Variants in GPR176 observed in about 807,000 individuals in gnomAD.
GPR176 encodes G protein-coupled receptor 176, also known as G-protein coupled receptor 176.
GPR176 carries 26 observed loss-of-function variants against 35.4 expected under a neutral mutation model. The ratio of observed to expected loss-of-function variants is 0.74; its 90% confidence interval spans 0.54 to 1.02. The LOEUF is 1.02. Ranked by LOEUF, GPR176 falls within the 50% of genes least tolerant of loss-of-function variation. GPR176 has a pLI of 0.00. For synonymous variants in GPR176, 278 were observed against 271.3 expected, an observed-to-expected ratio of 1.02 and a Z score of -0.24; for missense variants, 597 against 665.3, an observed-to-expected ratio of 0.90 and a Z score of 1.13.
At position 39,807,071 on chromosome 15, in the gene GPR176, G is replaced by GACGA. The variant is rs1899239696; in HGVS notation, c.356_359dup (p.Lys121ArgfsTer37). The stretch of plus-strand genomic sequence containing the variant: ...AGCAGAATACTTTGTGCAAAAATTT[G>GACGA]ACGACCTTGCAGAAGAGCATGGTGT... On this transcript the variant is annotated frameshift_variant, in exon 2 of 3. Transcript: ENST00000561100. LOFTEE classifies it high-confidence loss of function. The GACGA allele has an allele frequency of 1.2e-6, 2 of 1,613,762 alleles. No individual in the cohort carries two copies. Among genetic ancestry groups the GACGA allele is most frequent in the Non-Finnish European group, 1.7e-6 (2 of 1,179,726 alleles).
intron 1 of GPR176, among the ~76,000 whole-genome samples, chr15:39,829,561 T>C (rs1900921212): frequency 1.3e-5 from 2 of 152,226 alleles, no homozygotes; most frequent in Admixed American, 6.5e-5. Context: ...CATATCTATA[T>C]GATCTAATTT....
intron 1 of GPR176, among the ~76,000 whole-genome samples, chr15:39,913,319 C>T (rs915349812): frequency 1.4e-4 from 22 of 152,004 alleles, no homozygotes; most frequent in African/African-American, 4.6e-4. Context: ...CTGAGGTTGA[C>T]GGATTGCTTG....
intron 1 of GPR176, among the ~76,000 whole-genome samples, chr15:39,816,067 A>T (rs1192024774): frequency 6.6e-6 from 1 of 152,218 alleles, no homozygotes; most frequent in African/African-American, 2.4e-5. Context: ...AGACCACATG[A>T]TCACATTTAC....
chr15:39,890,971 C>T (rs982428233), intron 1 of GPR176, among the ~76,000 whole-genome samples: 1 of 152,148 alleles, frequency 6.6e-6, no homozygotes, highest in African/African-American at 2.4e-5. Flanking sequence ...GGGGAGGTAG[C>T]AGTGTTGCCT....
At chr15:39,803,235 C>CTTA (rs1766464926) in intron 2 of GPR176, among the ~76,000 whole-genome samples, 1 of 146,636 alleles carries the variant, frequency 6.8e-6, no homozygotes, top group African/African-American at 2.5e-5. Flanking sequence ...ACTCATAGGG[C>CTTA]AAGTAAGCAC....
At chr15:39,874,299 A>T (rs2032159251) in intron 1 of GPR176, among the ~76,000 whole-genome samples, 1 of 152,214 alleles carries the variant, frequency 6.6e-6, no homozygotes, top group South Asian at 2.1e-4. Context: ...GATGCTTACC[A>T]ATGACATCTC....
At chr15:39,906,787 A>T (rs891365032) in intron 1 of GPR176, among the ~76,000 whole-genome samples, 1 of 152,232 alleles carries the variant, frequency 6.6e-6, no homozygotes, top group Non-Finnish European at 1.5e-5. Context: ...CCTAAGTCTC[A>T]TGCAAATCAA....
chr15:39,830,211 A>G (rs1052692201), intron 1 of GPR176, among the ~76,000 whole-genome samples: 4 of 152,190 alleles, frequency 2.6e-5, no homozygotes, highest in Middle Eastern at 3.2e-3. Flanking sequence ...TGTGTATAAG[A>G]GAATAACAAA....
At chr15:39,863,389 G>T (rs911161922) in intron 1 of GPR176, among the ~76,000 whole-genome samples, 1 of 150,230 alleles carries the variant, frequency 6.7e-6, no homozygotes. Context: ...ATTTAAAATA[G>T]AATATAGAAT....
At chr15:39,917,758 A>G (rs2033764681) in intron 1 of GPR176, among the ~76,000 whole-genome samples, 1 of 151,962 alleles carries the variant, frequency 6.6e-6, no homozygotes, top group Non-Finnish European at 1.5e-5. Context: ...GGGTAATAGA[A>G]GACTCCCAGC....
intron 1 of GPR176, among the ~76,000 whole-genome samples, chr15:39,812,456 CTTTTGG>C: frequency 6.6e-6 from 1 of 152,192 alleles, no homozygotes; most frequent in African/African-American, 2.4e-5. Flanking sequence ...CGTTCTTCAG[CTTTTGG>C]ACTCTTGGAC....
At chr15:39,832,941 A>G (rs554947343) in intron 1 of GPR176, among the ~76,000 whole-genome samples, 2 of 152,298 alleles carry the variant, frequency 1.3e-5, no homozygotes, top group Admixed American at 6.5e-5. Context: ...CACTAAGGGC[A>G]CACTCAGATG....
intron 1 of GPR176, among the ~76,000 whole-genome samples, chr15:39,876,519 A>G (rs1018477252): frequency 2.0e-5 from 3 of 152,018 alleles, no homozygotes; most frequent in Non-Finnish European, 4.4e-5. Context: ...TGAGGGATAT[A>G]ATGTTAATGA....
At chr15:39,915,441 G>A (rs2033701353) in intron 1 of GPR176, among the ~76,000 whole-genome samples, 1 of 152,060 alleles carries the variant, frequency 6.6e-6, no homozygotes, top group South Asian at 2.1e-4. Context: ...ATGACATTGG[G>A]GATTAGGGCT....
At chr15:39,851,505 G>GGA (rs1212700526) in intron 1 of GPR176, among the ~76,000 whole-genome samples, 3 of 152,208 alleles carry the variant, frequency 2.0e-5, no homozygotes, top group African/African-American at 7.2e-5. Context: ...TCAGACAAGG[G>GGA]TGCTTCACCT....
At chr15:39,840,642 A>C (rs1437391211) in intron 1 of GPR176, among the ~76,000 whole-genome samples, 2 of 152,162 alleles carry the variant, frequency 1.3e-5, no homozygotes, top group East Asian at 1.9e-4. Context: ...AATAATAAAA[A>C]AGAAGGGTAG....
At chr15:39,885,290 T>A (rs1037110178) in intron 1 of GPR176, among the ~76,000 whole-genome samples, 5 of 152,142 alleles carry the variant, frequency 3.3e-5, no homozygotes, top group Non-Finnish European at 2.9e-5. Context: ...TTCAACAGAG[T>A]GTGTTTCCTG....
chr15:39,918,991 T>C (rs907419154), intron 1 of GPR176, among the ~76,000 whole-genome samples: 1 of 152,226 alleles, frequency 6.6e-6, no homozygotes, highest in Non-Finnish European at 1.5e-5. Flanking sequence ...AAGCCACATA[T>C]ATCCAAGTGG....
At chr15:39,825,957 G>A (rs1177597060) in intron 1 of GPR176, among the ~76,000 whole-genome samples, 1 of 152,156 alleles carries the variant, frequency 6.6e-6, no homozygotes, top group Non-Finnish European at 1.5e-5. Context: ...GGTTCTCTGA[G>A]TCCACCATAA....
Sources: allele counts gnomAD v4.1 joint callset (sites outside exome capture counted in the v4.1 genomes callset), GRCh38; gene constraint gnomAD v4.1.1; transcripts MANE v1.5; gene names NCBI Gene and HGNC (gene_info 2026-07-23, HGNC 2026-07-21).